MYO1B: variants seen among roughly 807,000 people sequenced by gnomAD.
MYO1B encodes the protein myosin IB.
In MYO1B, 72 loss-of-function variants were observed where a neutral mutation model predicts 159.7. The observed-to-expected ratio is 0.45, with a 90% CI of 0.37 to 0.55. MYO1B has a LOEUF of 0.55. Ranked by LOEUF, MYO1B falls within the 20% of genes least tolerant of loss-of-function variation. MYO1B has a pLI of 0.00. For missense variants in MYO1B, 1,062 were observed against 1,364.8 expected, an observed-to-expected ratio of 0.78 and a Z score of 3.50; for synonymous variants, 468 against 473.8, an observed-to-expected ratio of 0.99 and a Z score of 0.16.
intron 4 of MYO1B, among the ~76,000 whole-genome samples, chr2:191,339,158 G>T (rs1692047853): frequency 6.6e-6 from 1 of 152,108 alleles, no homozygotes; most frequent in Non-Finnish European, 1.5e-5. Context: ...CTGCCCCAGT[G>T]CTGGAGACTA....
At chr2:191,416,052 C>T (rs1424149180) in intron 29 of MYO1B, 63 bp from the exon 30 acceptor site, 2 of 1,540,534 alleles carry the variant, frequency 1.3e-6, no homozygotes, top group Non-Finnish European at 1.8e-6. Flanking sequence ...TTTAGCCAAG[C>T]CTGTAAATAT....
intron 24 of MYO1B, chr2:191,407,761 A>T (rs534366211): frequency 6.6e-6 from 1 of 151,538 alleles, no homozygotes; most frequent in African/African-American, 2.6e-5. Context: ...TTTGCCTTTT[A>T]CAAAACAATC....
At chr2:191,306,889 C>T (rs149375096) in intron 3 of MYO1B, among the ~76,000 whole-genome samples, 497 of 152,192 alleles carry the variant, frequency 3.3e-3, no homozygotes, top group Non-Finnish European at 5.4e-3. Context: ...ATTTCTGATA[C>T]CAGGTGTGTG....
At chr2:191,412,217 A>G (rs1234534960) in intron 27 of MYO1B, among the ~76,000 whole-genome samples, 2 of 152,214 alleles carry the variant, frequency 1.3e-5, no homozygotes, top group African/African-American at 4.8e-5. Context: ...AGCATATTCA[A>G]ACAGGAGAAT....
chr2:191,408,697 A>T (rs556398498), intron 25 of MYO1B, among the ~76,000 whole-genome samples: 4 of 152,288 alleles, frequency 2.6e-5, no homozygotes, highest in African/African-American at 9.6e-5. Flanking sequence ...GGATTTTAAA[A>T]TTTAATTTAA....
chr2:191,296,151 G>T lies in MYO1B; in HGVS notation c.176G>T (p.Arg59Leu). Residue 59 changes from arginine to leucine, a missense_variant, in exon 3 of 31, where the codon CGG becomes CTG. Around this residue, in one of 5 missense-constraint regions of MYO1B, gnomAD observed 415 missense variants for 544.0 expected, o/e 0.76. Coordinates refer to ENST00000392318, the MANE Select transcript of MYO1B (RefSeq NM_001130158.3). ...GSVVISVNPY[R>L]SLPIYSPEKV... ...GTGGTTATATCTGTTAACCCATACC[G>T]GTCTTTACCCATTTATTCACCAGAG... 1.9e-6 allele frequency: 3 copies of T among 1,608,254 alleles called. No individual in the cohort carries two copies. The highest frequency in any genetic ancestry group is 2.6e-6 in the Non-Finnish European group (3 of 1,176,348).
intron 1 of MYO1B, among the ~76,000 whole-genome samples, chr2:191,253,070 A>AG (rs397781618): frequency 2.0e-5 from 3 of 151,968 alleles, no homozygotes; most frequent in African/African-American, 7.3e-5. Flanking sequence ...GGAAAAAAAA[A>AG]CAAAAAACAA....
chr2:191,275,335 A>G (rs140611651), intron 1 of MYO1B, among the ~76,000 whole-genome samples: 7 of 149,974 alleles, frequency 4.7e-5, no homozygotes, highest in African/African-American at 1.7e-4. Flanking sequence ...AGAACCTCTC[A>G]TAAATTCATC....
Position 191,398,835 on chromosome 2 carries a change from AGAGAC to A in MYO1B, c.2296-1545_2296-1541del, listed in dbSNP as rs1696386822. 3.9e-5 allele frequency among the ~76,000 whole-genome samples: 6 copies of A among 152,010 alleles called. 1 individual carries two copies. Among genetic ancestry groups the A allele is most frequent in the Admixed American group, 2.6e-4 (4 of 15,290 alleles). ...CCTCCCAGACGATGGGCGGCCAGGC[AGAGAC>A]GCTCCTCACTTCCCAGACGGGGTGG... On this transcript the variant is annotated intron_variant, in intron 21 of 30. Transcript: ENST00000392318.
rs368102371 is a variant in MYO1B, at chr2:191,387,400, C to T, written c.1731C>T (p.Ser577=). ...PPTAGSQFKA[S]VATLMKNLQT... ...CAGCAGGCTCACAGTTCAAGGCATC[C>T]GTGGCCACTCTGATGAAAAACCTAC... Residue 577 remains serine (S), a synonymous_variant, in exon 17 of 31, where the codon TCC becomes TCT. Transcript: ENST00000392318. 1.1e-5 allele frequency: 18 copies of T among 1,614,046 alleles called. No homozygotes were observed. The highest frequency in any genetic ancestry group is 9.9e-5 in the South Asian group (9 of 91,082).
chr2:191,387,477 A>G (rs755333909), intron 17 of MYO1B, 27 bp downstream of exon 17: 2 of 1,596,150 alleles, frequency 1.3e-6, no homozygotes, highest in African/African-American at 1.3e-5. Context: ...AAACTTTCAC[A>G]GTTCAAATGT....
intron 1 of MYO1B, among the ~76,000 whole-genome samples, chr2:191,272,543 A>C (rs536234965): frequency 1.4e-4 from 21 of 152,314 alleles, no homozygotes; most frequent in African/African-American, 4.6e-4. Context: ...ACAGAGGCAG[A>C]GGTGGTGCTT....
intron 22 of MYO1B, 43 bp from the exon 23 acceptor site, chr2:191,400,706 C>G: frequency 1.2e-6 from 2 of 1,602,348 alleles, no homozygotes; most frequent in Non-Finnish European, 1.7e-6. Context: ...GTAACCTTTC[C>G]TGCCTTAAAC....
chr2:191,333,507 C>G (rs570155508), intron 4 of MYO1B, among the ~76,000 whole-genome samples: 2 of 152,276 alleles, frequency 1.3e-5, no homozygotes, highest in African/African-American at 2.4e-5. Context: ...AGTTCTGGCT[C>G]TAGAATATAT....
chr2:191,387,337 A>T lies in MYO1B; in HGVS notation c.1668A>T (p.Glu556Asp). ...SHALIKSLFP[E>D]GNPAKINLKR... is the part of the protein sequence containing the mutation. ...CCCTCATCAAGTCTTTGTTCCCCGA[A>T]GGGAATCCCGCCAAGATCAACCTGA... Residue 556 changes from glutamate to aspartate, a missense_variant, in exon 17 of 31, where the codon GAA (glutamate) becomes GAT (aspartate). Glu to Asp is a conservative substitution (Grantham distance 45). Around this residue, in one of 5 missense-constraint regions of MYO1B, gnomAD observed 609 missense variants for 744.4 expected, o/e 0.82. Transcript: ENST00000392318. 1 of 1,614,168 alleles carries T rather than the reference A, an allele frequency of 6.2e-7. No homozygotes were observed. The highest frequency in any genetic ancestry group is 1.1e-5 in the South Asian group (1 of 91,080).
At chr2:191,416,675 G>A (rs746769016) in intron 30 of MYO1B, among the ~76,000 whole-genome samples, 3 of 152,052 alleles carry the variant, frequency 2.0e-5, no homozygotes, top group Non-Finnish European at 2.9e-5. Context: ...TTAGCTGGGC[G>A]TGGTGGCGGG....
intron 1 of MYO1B, among the ~76,000 whole-genome samples, chr2:191,249,373 G>T (rs1187325824): frequency 6.6e-6 from 1 of 152,206 alleles, no homozygotes; most frequent in Non-Finnish European, 1.5e-5. Context: ...CTTCCTTAGG[G>T]AAGTGTCAAG....
In MYO1B at chr2:191,363,636, T is replaced by C. The variant is rs537829081; in HGVS notation, c.766-92T>C. 1,132 of 1,453,228 alleles carry C rather than the reference T, an allele frequency of 7.8e-4. 3 individuals carry two copies. The highest frequency in any genetic ancestry group is 2.0e-3 in the Middle Eastern group (9 of 4,428). 90.0% of individuals were successfully genotyped at this position (1,453,228 alleles called of 1,614,324 possible). On this transcript the variant is annotated intron_variant, in intron 9 of 30. Coordinates refer to ENST00000392318, the MANE Select transcript of MYO1B (RefSeq NM_001130158.3). ...TAGCTTTGTCTTTTATGGGTTTTTTTCCCCAGAAATAAATCTGTAATATGA... is the reference window on the plus strand; with the variant it reads ...TAGCTTTGTCTTTTATGGGTTTTTTCCCCCAGAAATAAATCTGTAATATGA...
chr2:191,273,134 T>C (rs909742732), intron 1 of MYO1B, among the ~76,000 whole-genome samples: 5 of 152,166 alleles, frequency 3.3e-5, no homozygotes, highest in Admixed American at 2.0e-4. Context: ...CTTTTTTTCT[T>C]TTGAGACAGG....
Sources: gnomAD v4.1 joint callset for allele counts (sites outside exome capture counted in the v4.1 genomes callset) on GRCh38, gnomAD v4.1.1 for gene constraint, gnomAD v4.1.1 regional missense constraint, MANE v1.5 for transcripts, NCBI Gene and HGNC (gene_info 2026-07-23, HGNC 2026-07-21) for gene names.